Variants in FHIT observed in about 807,000 individuals in gnomAD.
The protein encoded by FHIT is bis(5'-adenosyl)-triphosphatase.
FHIT carries 19 observed loss-of-function variants against 17.9 expected under a neutral mutation model. The ratio of observed to expected loss-of-function variants is 1.06; its 90% CI spans 0.74 to 1.56. The LOEUF (loss-of-function observed/expected upper bound fraction) is 1.56, where lower values mean the gene tolerates loss of function less well. Among genes scored for constraint, FHIT ranks in the 40% most tolerant of loss-of-function variants. The probability of loss-of-function intolerance (pLI) is 0.00; values close to 1 mark genes in which losing one functional copy is unlikely to be tolerated. For synonymous variants in FHIT, 81 were observed against 69.7 expected, an observed-to-expected ratio of 1.16 and a Z score of -0.81; for missense variants, 248 against 189.2, an observed-to-expected ratio of 1.31 and a Z score of -1.82.
At chr3:61,199,968 A>G (rs1454862622) in intron 2 of FHIT, among the ~76,000 whole-genome samples, 1 of 152,196 alleles carries the variant, frequency 6.6e-6, no homozygotes, top group Non-Finnish European at 1.5e-5. Flanking sequence ...TCATAAATAT[A>G]CCTAGCAAAG....
intron 4 of FHIT, among the ~76,000 whole-genome samples, chr3:60,550,009 C>T (rs2036493821): frequency 6.6e-6 from 1 of 152,074 alleles, no homozygotes; most frequent in Non-Finnish European, 1.5e-5. Flanking sequence ...ACACTTCTAC[C>T]AACTGGAGAG....
At chr3:60,465,589 G>A (rs942134342) in intron 5 of FHIT, among the ~76,000 whole-genome samples, 1 of 152,046 alleles carries the variant, frequency 6.6e-6, no homozygotes, top group Admixed American at 6.6e-5. Context: ...TAGGGGTCTA[G>A]TTTTATTCTT....
At chr3:59,901,137 T>C (rs1477984676) in intron 8 of FHIT, among the ~76,000 whole-genome samples, 1 of 152,244 alleles carries the variant, frequency 6.6e-6, no homozygotes. Flanking sequence ...TAAACTATTG[T>C]CTGAACTTTA....
intron 3 of FHIT, among the ~76,000 whole-genome samples, chr3:61,039,451 G>A (rs979982549): frequency 2.5e-4 from 38 of 151,986 alleles, no homozygotes; most frequent in African/African-American, 6.8e-4. Flanking sequence ...TAAAACTTGC[G>A]AGGGATTTCC....
intron 5 of FHIT, among the ~76,000 whole-genome samples, chr3:60,119,897 T>C (rs1705169041): frequency 6.6e-6 from 1 of 152,200 alleles, no homozygotes; most frequent in African/African-American, 2.4e-5. Context: ...TCCCCAGTGC[T>C]TTCAGAATCA....
rs535936878 is a variant in FHIT at position 60,972,112 on chromosome 3, T to G, written c.-111+69935A>C. ...TTTAGTTATAGGACTTACACTCCAC[T>G]AAACATTACTTTGATTGTTTTAAAC... On this transcript the variant is annotated intron_variant, in intron 3 of 9. Coordinates refer to ENST00000492590, the MANE Select transcript of FHIT (RefSeq NM_002012.4). Among the ~76,000 whole-genome samples, 4 of 152,298 alleles carry G rather than the reference T, an allele frequency of 2.6e-5. No individual in the cohort carries two copies. In the East Asian group the frequency reaches 5.8e-4, roughly 22 times the overall value.
chr3:60,010,357 A>G (rs17061763), intron 7 of FHIT, among the ~76,000 whole-genome samples: 8,804 of 152,270 alleles, frequency 0.058, 599 homozygotes, highest in African/African-American at 0.17. Context: ...GGAATTTGGT[A>G]GCCCATATGG....
chr3:60,475,778 C>A (rs2033315309), intron 5 of FHIT, among the ~76,000 whole-genome samples: 1 of 152,188 alleles, frequency 6.6e-6, no homozygotes, highest in Non-Finnish European at 1.5e-5. Context: ...GCTGACGCCA[C>A]AAGTGGAAAA....
intron 7 of FHIT, among the ~76,000 whole-genome samples, chr3:60,002,563 G>T (rs1312672311): frequency 6.6e-6 from 1 of 152,148 alleles, no homozygotes; most frequent in East Asian, 1.9e-4. Context: ...TGGCCTGAGG[G>T]CCATTATAGA....
chr3:60,776,123 CA>C (rs1700210440), intron 4 of FHIT, among the ~76,000 whole-genome samples: 1 of 152,168 alleles, frequency 6.6e-6, no homozygotes, highest in African/African-American at 2.4e-5. Flanking sequence ...GTTGTGAAAT[CA>C]AGCCTCCATC....
At chr3:60,382,035 T>C (rs1013820060) in intron 5 of FHIT, among the ~76,000 whole-genome samples, 14 of 152,250 alleles carry the variant, frequency 9.2e-5, no homozygotes, top group African/African-American at 3.1e-4. Context: ...TATGGCTTAA[T>C]AGCTACTATA....
At chr3:59,871,963 A>G (rs894043243) in intron 8 of FHIT, among the ~76,000 whole-genome samples, 12 of 152,228 alleles carry the variant, frequency 7.9e-5, no homozygotes, top group African/African-American at 2.9e-4. Flanking sequence ...TGATAAATGC[A>G]TGGGAATTAC....
At chr3:61,240,358 G>A in intron 1 of FHIT, among the ~76,000 whole-genome samples, 1 of 152,168 alleles carries the variant, frequency 6.6e-6, no homozygotes, top group Admixed American at 6.5e-5. Flanking sequence ...AACTCCAGCA[G>A]GCACCAGTCA....
chr3:60,370,526 C>G (rs1292798042), intron 5 of FHIT, among the ~76,000 whole-genome samples: 1 of 152,192 alleles, frequency 6.6e-6, no homozygotes, highest in South Asian at 2.1e-4. Flanking sequence ...AACCCCACAA[C>G]AGAATTCCTT....
chr3:60,253,916 G>A (rs753453338), intron 5 of FHIT, among the ~76,000 whole-genome samples: 1 of 152,150 alleles, frequency 6.6e-6, no homozygotes, highest in African/African-American at 2.4e-5. Context: ...ACTTACTTGT[G>A]AGTTACTAAT....
At chr3:60,214,179 A>G (rs1430780151) in intron 5 of FHIT, among the ~76,000 whole-genome samples, 1 of 152,120 alleles carries the variant, frequency 6.6e-6, no homozygotes, top group Non-Finnish European at 1.5e-5. Flanking sequence ...CATTTTTTTG[A>G]AAAAGCAATT....
At chr3:60,198,329 A>G (rs960446446) in intron 5 of FHIT, among the ~76,000 whole-genome samples, 2 of 152,210 alleles carry the variant, frequency 1.3e-5, no homozygotes, top group Non-Finnish European at 1.5e-5. Flanking sequence ...AATTCCTAAT[A>G]CAAAGCAGTA....
intron 4 of FHIT, among the ~76,000 whole-genome samples, chr3:60,809,035 T>G (rs1553735275): frequency 6.6e-6 from 1 of 152,212 alleles, no homozygotes; most frequent in African/African-American, 2.4e-5. Flanking sequence ...TTAATTTAAT[T>G]TTTTAAATTG....
chr3:60,112,897 G>C (rs1704740976), intron 5 of FHIT, among the ~76,000 whole-genome samples: 1 of 152,090 alleles, frequency 6.6e-6, no homozygotes, highest in African/African-American at 2.4e-5. Flanking sequence ...ACTCCTTATG[G>C]AACCACTTTA....
Sources: allele counts gnomAD v4.1 joint callset (sites outside exome capture counted in the v4.1 genomes callset), GRCh38; gene constraint gnomAD v4.1.1; transcripts MANE v1.5; gene names NCBI Gene and HGNC (gene_info 2026-07-23, HGNC 2026-07-21).